The following ACBD7 variants were observed in gnomAD, a reference collection of about 807,000 sequenced individuals.
ACBD7 encodes the protein acyl-CoA-binding domain-containing protein 7.
ACBD7 carries 11 observed loss-of-function variants against 13.7 expected under a neutral mutation model. The observed-to-expected ratio is 0.80, with a 90% CI of 0.50 to 1.33. The LOEUF (loss-of-function observed/expected upper bound fraction) is 1.33. Ranked by LOEUF, ACBD7 falls within the 40% of genes most tolerant of loss-of-function variation. ACBD7 has a pLI of 0.00. For missense variants in ACBD7, 111 were observed against 103.0 expected (o/e 1.08, Z -0.33); for synonymous variants, 43 against 37.7 (o/e 1.14, Z -0.51).
chr10:15,082,297 A>AG (rs1201748150), intron 1 of ACBD7, among the ~76,000 whole-genome samples: 1 of 151,832 alleles, frequency 6.6e-6, no homozygotes, highest in East Asian at 1.9e-4. Flanking sequence ...AAAAAAAAAA[A>AG]AAAAAAGGTA....
intron 1 of ACBD7, 119 bp downstream of exon 1, chr10:15,088,598 G>C (rs1435634755): frequency 3.6e-5 from 48 of 1,347,336 alleles, no homozygotes; most frequent in Middle Eastern, 2.5e-4. Flanking sequence ...GGAAGGAGTG[G>C]GCGTGTCCCC....
At chr10:15,078,639 T>G in intron 3 of ACBD7, 36 bp from the exon 4 acceptor site, 1 of 1,614,104 alleles carries the variant, frequency 6.2e-7, no homozygotes, top group Non-Finnish European at 8.5e-7. Flanking sequence ...CCCTGATTGG[T>G]GCACTGGGAA....
chr10:15,084,102 T>C (rs1282011773), intron 1 of ACBD7, among the ~76,000 whole-genome samples: 2 of 152,190 alleles, frequency 1.3e-5, no homozygotes, highest in African/African-American at 4.8e-5. Flanking sequence ...GGTCTGCGAT[T>C]GTTGGCTGCA....
intron 1 of ACBD7, among the ~76,000 whole-genome samples, chr10:15,079,268 C>CTT (rs36008210): frequency 0.21 from 26,513 of 126,314 alleles, 4,066 homozygotes; most frequent in African/African-American, 0.41. Flanking sequence ...GGTTTAACTT[C>CTT]TTTTTTTTTT....
chr10:15,087,058 T>C (rs10906825), intron 1 of ACBD7, among the ~76,000 whole-genome samples: 43,666 of 148,832 alleles, frequency 0.29, 8,219 homozygotes, highest in African/African-American at 0.54. Context: ...CAGGTGCCTG[T>C]GGTCCAAGCT....
intron 1 of ACBD7, among the ~76,000 whole-genome samples, chr10:15,084,460 A>C (rs1355245937): frequency 1.3e-5 from 2 of 152,174 alleles, no homozygotes; most frequent in African/African-American, 4.8e-5. Context: ...TTTTGAACAA[A>C]AAATTGGACA....
chr10:15,084,719 C>T (rs1381447081), intron 1 of ACBD7, among the ~76,000 whole-genome samples: 1 of 152,164 alleles, frequency 6.6e-6, no homozygotes, highest in South Asian at 2.1e-4. Context: ...CAAATAAAGA[C>T]TTGGCTCACG....
chr10:15,087,648 C>T (rs1589262685), intron 1 of ACBD7, among the ~76,000 whole-genome samples: 2 of 152,116 alleles, frequency 1.3e-5, no homozygotes, highest in Non-Finnish European at 2.9e-5. Context: ...AGTGGCGGCG[C>T]ACGCCTATAA....
At chr10:15,079,827 T>C (rs922047662) in intron 1 of ACBD7, among the ~76,000 whole-genome samples, 1 of 151,938 alleles carries the variant, frequency 6.6e-6, no homozygotes, top group African/African-American at 2.4e-5. Context: ...TCCACCCACC[T>C]TGGCCTCCCG....
chr10:15,081,681 T>A (rs1041997399), intron 1 of ACBD7, among the ~76,000 whole-genome samples: 3 of 152,294 alleles, frequency 2.0e-5, no homozygotes, highest in African/African-American at 7.2e-5. Flanking sequence ...GTTATTGAGC[T>A]GAGAGAGTAA....
rs1041998546 is a variant in ACBD7, at chr10:15,075,757, T to C, written c.*2773A>G. 1.3e-5 allele frequency among the ~76,000 whole-genome samples: 2 copies of C among 152,028 alleles called. No individual in the cohort carries two copies. Among genetic ancestry groups the C allele is most frequent in the Admixed American group, 6.6e-5 (1 of 15,254 alleles). ...GGGGGGCCAAGGTGGGTAGATCACC[T>C]CAGATCAGGAGTTCCAGACCAGCCT... is the stretch of plus-strand genomic sequence containing the variant. On this transcript the variant is annotated 3_prime_UTR_variant, in exon 4 of 4. Transcript: ENST00000356189.
intron 1 of ACBD7, among the ~76,000 whole-genome samples, chr10:15,087,720 G>A (rs1027174320): frequency 6.6e-6 from 1 of 152,008 alleles, no homozygotes; most frequent in African/African-American, 2.4e-5. Flanking sequence ...GGAGGTTGCG[G>A]TGAGCTGAGA....
Position 15,078,756 on chromosome 10 carries a change from GGCAAAA to G in ACBD7, c.131-9_131-4del. The G allele has an allele frequency of 6.2e-7, 1 of 1,613,446 alleles. No homozygotes were observed. Among genetic ancestry groups the G allele is most frequent in the Non-Finnish European group, 8.5e-7 (1 of 1,179,714 alleles). On this transcript the variant is annotated splice_polypyrimidine_tract_variant and splice_region_variant and intron_variant, in intron 2 of 3. Coordinates refer to ENST00000356189, the MANE Select transcript of ACBD7 (RefSeq NM_001039844.3). Reference sequence around the variant, plus strand: ...TAAATCTAGCATTCCTGGACACGCTGGCAAAAGAAGGAGACATGCATTTGCAGGTTA... The same window carrying G: ...TAAATCTAGCATTCCTGGACACGCTGGAAGGAGACATGCATTTGCAGGTTA...
intron 1 of ACBD7, among the ~76,000 whole-genome samples, chr10:15,079,388 C>A (rs1415119543): frequency 1.3e-5 from 2 of 150,960 alleles, no homozygotes; most frequent in African/African-American, 4.9e-5. Flanking sequence ...CATTCTCCTA[C>A]CTCAGCCTCC....
chr10:15,088,533 C>T, intron 1 of ACBD7, 184 bp downstream of exon 1: 1 of 848,626 alleles, frequency 1.2e-6, no homozygotes, highest in Non-Finnish European at 1.7e-6. Context: ...CCTGGGAGCC[C>T]TGGCTCGCCG....
At position 15,088,678 on chromosome 10, in the gene ACBD7, G is replaced by T. The variant is rs746747291; in HGVS notation, c.12+39C>A. 22 of 1,591,116 alleles carry T rather than the reference G, an allele frequency of 1.4e-5. No homozygotes were observed. The Admixed American group carries it at 2.9e-4, about 21-fold the overall frequency. ...GCCCCACTTAAGCACTCCCCTCGCGGAGCGCCCCTCCCGCGTGGCCTCCCC... is the reference window on the plus strand; with the variant it reads ...GCCCCACTTAAGCACTCCCCTCGCGTAGCGCCCCTCCCGCGTGGCCTCCCC... On this transcript the variant is annotated intron_variant, in intron 1 of 3. Transcript: ENST00000356189.
chr10:15,076,215 T>A lies in ACBD7; in HGVS notation c.*2315A>T. On this transcript the variant is annotated 3_prime_UTR_variant, in exon 4 of 4. Transcript: ENST00000356189. ...ACACTGTTTTGGGGGATATTTATCT[T>A]AAGGGATCTCAAACAATTTTTTGAA... 1.0e-6 allele frequency: 1 copy of A among 985,332 alleles called. No individual in the cohort carries two copies. Among genetic ancestry groups the A allele is most frequent in the Non-Finnish European group, 1.2e-6 (1 of 829,894 alleles). 61.0% of individuals were successfully genotyped at this position (985,332 alleles called of 1,614,324 possible).
At chr10:15,088,398 G>A in intron 1 of ACBD7, 1 of 483,954 alleles carries the variant, frequency 2.1e-6, no homozygotes, top group South Asian at 2.8e-5. Context: ...CGAGCGAAGG[G>A]GCGGGAGCGG....
chr10:15,076,437 A>G lies in ACBD7; in HGVS notation c.*2093T>C. ...TTAAATGTCTTAAATGTAAAAATTT[A>G]AAGAAAAATAGATATTCCTATGGGG... is the stretch of plus-strand genomic sequence containing the variant. On this transcript the variant is annotated 3_prime_UTR_variant, in exon 4 of 4. Transcript: ENST00000356189. 1 of 971,708 alleles carries G rather than the reference A, an allele frequency of 1.0e-6. No individual in the cohort carries two copies. The highest frequency in any genetic ancestry group is 1.2e-6 in the Non-Finnish European group (1 of 817,514). The allele number at this position is 971,708 out of a possible 1,614,324, so 60.2% of individuals were successfully genotyped here.
Sources: allele counts gnomAD v4.1 joint callset (sites outside exome capture counted in the v4.1 genomes callset), GRCh38; gene constraint gnomAD v4.1.1; transcripts MANE v1.5; gene names NCBI Gene and HGNC (gene_info 2026-07-23, HGNC 2026-07-21).